ZNF804B: variants seen among roughly 807,000 people sequenced by gnomAD.
ZNF804B encodes the protein zinc finger protein 804B, also known as zinc finger 804B.
A neutral mutation model predicts 101.4 loss-of-function variants in ZNF804B; 80 were observed. The ratio of observed to expected loss-of-function variants is 0.79; its 90% confidence interval spans 0.66 to 0.95. The LOEUF (loss-of-function observed/expected upper bound fraction) is 0.95, where lower values mean the gene tolerates loss of function less well. Among genes scored for constraint, ZNF804B ranks in the 40% least tolerant of loss-of-function variants. ZNF804B has a pLI of 0.00. For missense variants in ZNF804B, 1,673 were observed against 1,561.9 expected (o/e 1.07, Z -1.20); for synonymous variants, 622 against 558.8 (o/e 1.11, Z -1.59).
Position 89,181,945 on chromosome 7 carries a change from A to T in ZNF804B, c.109-36210A>T, listed in dbSNP as rs558904034. Among the ~76,000 whole-genome samples, 4 of 152,334 alleles carry T rather than the reference A, an allele frequency of 2.6e-5. No individual in the cohort carries two copies. In the South Asian group the frequency reaches 8.3e-4, roughly 32 times the overall value. On this transcript the variant is annotated intron_variant, in intron 1 of 3. Coordinates refer to ENST00000333190, the MANE Select transcript of ZNF804B (RefSeq NM_181646.5). ...AGCAACATCCTAAGAGACCCTTTAT[A>T]TACCAGTTTATTCTCTATTTTGAAC... is the stretch of plus-strand genomic sequence containing the variant.
At chr7:88,803,827 A>G (rs1790644668) in intron 1 of ZNF804B, among the ~76,000 whole-genome samples, 1 of 152,068 alleles carries the variant, frequency 6.6e-6, no homozygotes, top group Non-Finnish European at 1.5e-5. Context: ...GTAGAACTGA[A>G]ACCATGGGAA....
At chr7:89,065,995 A>G (rs73391212) in intron 1 of ZNF804B, among the ~76,000 whole-genome samples, 4,910 of 152,204 alleles carry the variant, frequency 0.032, 272 homozygotes, top group African/African-American at 0.11. Context: ...ATCTTGGGGA[A>G]CCATTATTCT....
rs1791046629 is a variant in ZNF804B, at chr7:89,334,658, C to G, written c.1676C>G (p.Ser559Cys). ...QRKYNLDYSD[S>C]EPNKSEYTFS... ...AAATATAATTTGGACTACAGTGATT[C>G]TGAGCCAAATAAGAGTGAATATACT... The change falls in exon 4 of 4, where the codon TCT becomes TGT. Residue 559 changes from serine to cysteine, a missense_variant. Transcript: ENST00000333190. 2 of 1,613,752 alleles carry G rather than the reference C, an allele frequency of 1.2e-6. No individual in the cohort carries two copies. Among genetic ancestry groups the G allele is most frequent in the East Asian group, 4.5e-5 (2 of 44,858 alleles).
intron 1 of ZNF804B, among the ~76,000 whole-genome samples, chr7:89,208,146 A>G (rs1788743399): frequency 6.6e-6 from 1 of 151,372 alleles, no homozygotes; most frequent in African/African-American, 2.4e-5. Flanking sequence ...CAGTGGCACA[A>G]TCTCGGCTCA....
intron 1 of ZNF804B, among the ~76,000 whole-genome samples, chr7:88,854,443 CTTT>C: frequency 7.9e-6 from 1 of 126,294 alleles, no homozygotes; most frequent in South Asian, 2.7e-4. Context: ...TTCTTTCTTT[CTTT>C]CTTTCTTTCT....
At chr7:89,025,224 A>G (rs1028164039) in intron 1 of ZNF804B, among the ~76,000 whole-genome samples, 2 of 152,254 alleles carry the variant, frequency 1.3e-5, no homozygotes, top group South Asian at 4.1e-4. Flanking sequence ...TAGTAGTCAT[A>G]GACTTTTTGC....
At chr7:88,992,542 G>A (rs775993269) in intron 1 of ZNF804B, among the ~76,000 whole-genome samples, 7 of 152,182 alleles carry the variant, frequency 4.6e-5, no homozygotes, top group East Asian at 3.9e-4. Context: ...GGCCTTAAGC[G>A]GGGGCTATGG....
intron 1 of ZNF804B, among the ~76,000 whole-genome samples, chr7:89,149,001 C>T (rs55753923): frequency 0.13 from 20,212 of 151,942 alleles, 1,497 homozygotes; most frequent in Middle Eastern, 0.24. Context: ...GAGTTGCTGC[C>T]CTGCAGACTT....
At chr7:88,914,149 C>T (rs1247783330) in intron 1 of ZNF804B, among the ~76,000 whole-genome samples, 4 of 152,096 alleles carry the variant, frequency 2.6e-5, no homozygotes, top group Non-Finnish European at 5.9e-5. Flanking sequence ...TATATCAGTT[C>T]ACCTTCAAAC....
intron 3 of ZNF804B, among the ~76,000 whole-genome samples, 189 bp downstream of exon 3, chr7:89,327,663 T>C (rs1429681627): frequency 6.6e-6 from 1 of 152,056 alleles, no homozygotes; most frequent in Admixed American, 6.6e-5. Context: ...CCTAATATTG[T>C]TAATTTAATG....
chr7:89,335,142 T>G lies in ZNF804B; in HGVS notation c.2160T>G (p.Ser720=). The change falls in exon 4 of 4, where the codon TCT becomes TCG. Residue 720 remains serine (S), a synonymous_variant. Coordinates refer to ENST00000333190, the MANE Select transcript of ZNF804B (RefSeq NM_181646.5). ...TGGACACATCCCCTAGCAGCATGTC[T>G]AGCTTGAGAAGTACTTGTTCAAGTC... The part of the protein sequence containing the change: ...SSLDTSPSSM[S]SLRSTCSSHR... 6.2e-7 allele frequency: 1 copy of G among 1,613,896 alleles called. No individual in the cohort carries two copies. Among genetic ancestry groups the G allele is most frequent in the Non-Finnish European group, 8.5e-7 (1 of 1,179,926 alleles).
chr7:89,143,696 T>A (rs1442919480), intron 1 of ZNF804B, among the ~76,000 whole-genome samples: 1 of 152,100 alleles, frequency 6.6e-6, no homozygotes, highest in Non-Finnish European at 1.5e-5. Flanking sequence ...AGAATTCAAT[T>A]TGTTCTGATA....
At chr7:89,283,409 A>G (rs947686110) in intron 2 of ZNF804B, among the ~76,000 whole-genome samples, 1 of 152,162 alleles carries the variant, frequency 6.6e-6, no homozygotes, top group Non-Finnish European at 1.5e-5. Flanking sequence ...ATAAATGTGT[A>G]TGTGTATTAG....
chr7:89,085,416 A>G (rs1016499332), intron 1 of ZNF804B, among the ~76,000 whole-genome samples: 3 of 151,976 alleles, frequency 2.0e-5, no homozygotes, highest in Non-Finnish European at 4.4e-5. Flanking sequence ...CTGTTTTAGT[A>G]GTTGAAAAAT....
chr7:89,323,821 A>G (rs552456537), intron 2 of ZNF804B, among the ~76,000 whole-genome samples: 19 of 152,058 alleles, frequency 1.2e-4, no homozygotes, highest in South Asian at 6.2e-4. Flanking sequence ...TCTGTTCTCA[A>G]TAAGAGCTGA....
chr7:89,136,764 T>TGC (rs66524290), intron 1 of ZNF804B, among the ~76,000 whole-genome samples: 27,741 of 146,320 alleles, frequency 0.19, 3,414 homozygotes, highest in Middle Eastern at 0.21. Context: ...TGTGTGTGTG[T>TGC]GCGCGCACGT....
chr7:89,286,156 C>A (rs926323109), intron 2 of ZNF804B, among the ~76,000 whole-genome samples: 1 of 152,144 alleles, frequency 6.6e-6, no homozygotes, highest in African/African-American at 2.4e-5. Flanking sequence ...AGGTGGTCTG[C>A]TTGTCCTCAA....
chr7:89,215,505 G>C (rs1428161204), intron 1 of ZNF804B, among the ~76,000 whole-genome samples: 2 of 151,250 alleles, frequency 1.3e-5, no homozygotes, highest in African/African-American at 4.9e-5. Flanking sequence ...ATGAGGCTAA[G>C]GTATTTTTGA....
At chr7:88,982,269 G>T (rs1164090024) in intron 1 of ZNF804B, among the ~76,000 whole-genome samples, 1 of 151,816 alleles carries the variant, frequency 6.6e-6, no homozygotes, top group Admixed American at 6.6e-5. Flanking sequence ...ATATTCTCTT[G>T]GTCAACACTT....
Sources: gnomAD v4.1 joint callset for allele counts (sites outside exome capture counted in the v4.1 genomes callset) on GRCh38, gnomAD v4.1.1 for gene constraint, MANE v1.5 for transcripts, NCBI Gene and HGNC (gene_info 2026-07-23, HGNC 2026-07-21) for gene names.